PARD3B: variants seen among roughly 807,000 people sequenced by gnomAD.
PARD3B encodes the protein par-3 family cell polarity regulator beta.
A neutral mutation model predicts 130.2 loss-of-function variants in PARD3B; 103 were observed. The observed-to-expected ratio is 0.79, with a 90% CI of 0.67 to 0.93. PARD3B has a LOEUF of 0.93. Among genes scored for constraint, PARD3B ranks in the 40% least tolerant of loss-of-function variants. PARD3B has a pLI of 0.00. For synonymous variants in PARD3B, 583 were observed against 553.2 expected (o/e 1.05, Z -0.76); for missense variants, 1,609 against 1,499.2 (o/e 1.07, Z -1.21).
At chr2:205,515,830 G>A (rs781545261) in intron 21 of PARD3B, among the ~76,000 whole-genome samples, 5 of 152,148 alleles carry the variant, frequency 3.3e-5, no homozygotes, top group African/African-American at 7.2e-5. Context: ...TTTTGCTTTC[G>A]TTGTGATTGC....
intron 18 of PARD3B, among the ~76,000 whole-genome samples, chr2:205,316,300 C>T (rs1434061131): frequency 6.6e-6 from 1 of 151,798 alleles, no homozygotes; most frequent in Non-Finnish European, 1.5e-5. Context: ...TCCATTTCCA[C>T]TGAGGACAGT....
intron 1 of PARD3B, among the ~76,000 whole-genome samples, chr2:204,576,499 A>T (rs2032267162): frequency 6.6e-6 from 1 of 152,176 alleles, no homozygotes; most frequent in Admixed American, 6.5e-5. Context: ...GTGGTTCTCA[A>T]CATGATGACA....
At chr2:205,222,643 C>T (rs1246531126) in intron 15 of PARD3B, among the ~76,000 whole-genome samples, 2 of 152,024 alleles carry the variant, frequency 1.3e-5, no homozygotes, top group Non-Finnish European at 2.9e-5. Flanking sequence ...GAATAATGGC[C>T]GTTTGCCTTA....
intron 1 of PARD3B, among the ~76,000 whole-genome samples, chr2:204,644,549 G>T (rs1404968846): frequency 6.6e-6 from 1 of 152,034 alleles, no homozygotes; most frequent in African/African-American, 2.4e-5. Context: ...AAAATATGTG[G>T]TCTCTTTCAA....
At chr2:205,378,529 GTAT>G (rs1005718974) in intron 18 of PARD3B, among the ~76,000 whole-genome samples, 16 of 152,148 alleles carry the variant, frequency 1.1e-4, no homozygotes, top group Admixed American at 9.8e-4. Context: ...GCGTACTGAG[GTAT>G]TCTTACTCTG....
chr2:205,192,596 T>C (rs2036454755), intron 14 of PARD3B, among the ~76,000 whole-genome samples: 1 of 152,224 alleles, frequency 6.6e-6, no homozygotes, highest in Non-Finnish European at 1.5e-5. Flanking sequence ...AAAACTATAA[T>C]GGGCATTTGA....
intron 20 of PARD3B, among the ~76,000 whole-genome samples, chr2:205,455,943 C>T (rs1432975885): frequency 6.6e-6 from 1 of 152,100 alleles, no homozygotes; most frequent in Non-Finnish European, 1.5e-5. Context: ...TTTACAGTCA[C>T]ACATCTTTCC....
At chr2:205,383,137 T>TCG (rs1312703316) in intron 18 of PARD3B, among the ~76,000 whole-genome samples, 103 of 106,368 alleles carry the variant, frequency 9.7e-4, no homozygotes, top group East Asian at 3.3e-3. Context: ...GATAGATAGA[T>TCG]AGATCGATCT....
chr2:204,829,815 C>T (rs932402144), intron 2 of PARD3B, among the ~76,000 whole-genome samples: 11 of 151,830 alleles, frequency 7.2e-5, no homozygotes, highest in African/African-American at 1.7e-4. Context: ...CTGGCTAACA[C>T]GGTGAAACCC....
chr2:205,116,027 T>C lies in PARD3B; in HGVS notation c.680+2450T>C, dbSNP rs62172679. ...GATCATCCTAATAAGTAAATTATAG[T>C]GGCTGCTCTGCTAGATAAAGCCTCA... On this transcript the variant is annotated intron_variant, in intron 6 of 22. Coordinates refer to ENST00000406610, the MANE Select transcript of PARD3B (RefSeq NM_001302769.2). This position sits in a 1 kb window ranked among gnomAD's most constrained non-coding sequence, Gnocchi z 4.5. 3.9e-3 allele frequency among the ~76,000 whole-genome samples: 590 copies of C among 152,194 alleles called. 2 individuals carry two copies. The highest frequency in any genetic ancestry group is 6.2e-3 in the Non-Finnish European group (421 of 68,000).
rs760454244 is a variant in PARD3B at position 205,121,591 on chromosome 2, G to A, written c.807G>A (p.Gln269=). 1.9e-6 allele frequency: 3 copies of A among 1,610,236 alleles called. No homozygotes were observed. The highest frequency in any genetic ancestry group is 2.5e-6 in the Non-Finnish European group (3 of 1,176,994). Residue 269 remains glutamine (Q), a splice_region_variant and synonymous_variant, in exon 8 of 23, where the codon CAG becomes CAA. Coordinates refer to ENST00000406610, the MANE Select transcript of PARD3B (RefSeq NM_001302769.2). The surrounding 1 kb of genome is among the most constrained non-coding windows in gnomAD (Gnocchi z 5.0). ...ATACATTTATCAACTTTCTTTCCAG[G>A]GCTCAAGATGTCTTCCGCCAGGCAA... ...NVDLVDKTFA[Q]AQDVFRQAMK...
chr2:205,301,459 T>C lies in PARD3B; in HGVS notation c.2393-5T>C. ...ATGGGTATTGATTATTTTTTCTCTG[T>C]ACAGACGGTCTGTCTGATAAGAGCT... On this transcript the variant is annotated splice_region_variant and splice_polypyrimidine_tract_variant and intron_variant, in intron 17 of 22. Coordinates refer to ENST00000406610, the MANE Select transcript of PARD3B (RefSeq NM_001302769.2). This position sits in a 1 kb window ranked among gnomAD's most constrained non-coding sequence, Gnocchi z 5.2. 6.2e-7 allele frequency: 1 copy of C among 1,608,664 alleles called. No homozygotes were observed. The highest frequency in any genetic ancestry group is 8.5e-7 in the Non-Finnish European group (1 of 1,178,292).
At chr2:205,541,309 C>T (rs1000915906) in intron 21 of PARD3B, among the ~76,000 whole-genome samples, 4 of 149,888 alleles carry the variant, frequency 2.7e-5, no homozygotes, top group African/African-American at 7.4e-5. Flanking sequence ...TCCAGGCTCC[C>T]TTCTCTGTTT....
chr2:204,572,146 A>T (rs2032039422), intron 1 of PARD3B, among the ~76,000 whole-genome samples: 1 of 152,200 alleles, frequency 6.6e-6, no homozygotes, highest in South Asian at 2.1e-4. Context: ...TACATAGAGA[A>T]CAAAGTACTT....
Position 205,590,293 on chromosome 2 carries a change from C to T in PARD3B, c.3261-25163C>T, listed in dbSNP as rs2054338478. ...ACTTGGCTTCTTTCTCCCCATCTCT[C>T]GACTGTTTTCTTCATTGTTGGCTTT... On this transcript the variant is annotated intron_variant, in intron 22 of 22. Transcript: ENST00000406610. This position sits in a 1 kb window ranked among gnomAD's most constrained non-coding sequence, Gnocchi z 4.1. 1.3e-5 allele frequency among the ~76,000 whole-genome samples: 2 copies of T among 152,068 alleles called. No individual in the cohort carries two copies. Among genetic ancestry groups the T allele is most frequent in the Admixed American group, 6.5e-5 (1 of 15,270 alleles).
chr2:205,362,207 A>C (rs1281393739), intron 18 of PARD3B, among the ~76,000 whole-genome samples: 1 of 152,204 alleles, frequency 6.6e-6, no homozygotes, highest in Non-Finnish European at 1.5e-5. Flanking sequence ...GACTTGACAT[A>C]CAAAATTGAG....
intron 18 of PARD3B, among the ~76,000 whole-genome samples, chr2:205,354,373 T>C (rs2044110857): frequency 6.6e-6 from 1 of 151,940 alleles, no homozygotes; most frequent in Non-Finnish European, 1.5e-5. Flanking sequence ...AGAGGTTTTT[T>C]GGGTGCAGCA....
chr2:204,885,032 T>C (rs1055376980), intron 2 of PARD3B, among the ~76,000 whole-genome samples: 5 of 152,216 alleles, frequency 3.3e-5, no homozygotes, highest in Admixed American at 2.0e-4. Context: ...TTTCTGCCTC[T>C]AGCTCTTTGA....
chr2:205,275,297 G>A (rs949475151), intron 16 of PARD3B, among the ~76,000 whole-genome samples: 3 of 151,978 alleles, frequency 2.0e-5, no homozygotes, highest in African/African-American at 7.3e-5. Context: ...GAAGACGAAA[G>A]ATAATGAAAA....
Sources: gnomAD v4.1 joint callset for allele counts (sites outside exome capture counted in the v4.1 genomes callset) on GRCh38, gnomAD v4.1.1 for gene constraint, Gnocchi (gnomAD v3.1) non-coding constraint, MANE v1.5 for transcripts, NCBI Gene and HGNC (gene_info 2026-07-23, HGNC 2026-07-21) for gene names.